The following RAPH1 variants were observed in gnomAD, a reference collection of about 807,000 sequenced individuals.
RAPH1 encodes ras-associated and pleckstrin homology domains-containing protein 1.
In RAPH1, 18 loss-of-function variants were observed where a neutral mutation model predicts 88.1. The observed-to-expected ratio is 0.20, with a 90% CI of 0.14 to 0.30. RAPH1 has a LOEUF of 0.30. Among genes scored for constraint, RAPH1 ranks in the 10% least tolerant of loss-of-function variants. The pLI is 1.00. For synonymous variants in RAPH1, 587 were observed against 559.0 expected (o/e 1.05, Z -0.71); for missense variants, 1,448 against 1,543.2 (o/e 0.94, Z 1.03).
intron 1 of RAPH1, among the ~76,000 whole-genome samples, chr2:203,506,519 CA>C (rs1253506924): frequency 7.2e-6 from 1 of 139,834 alleles, no homozygotes; most frequent in Non-Finnish European, 1.5e-5. Flanking sequence ...GACTCCGTCT[CA>C]AAAAAAAACA....
chr2:203,458,360 C>G (rs1038300453), intron 7 of RAPH1, among the ~76,000 whole-genome samples: 1 of 148,746 alleles, frequency 6.7e-6, no homozygotes, highest in Non-Finnish European at 1.5e-5. Flanking sequence ...GACTCCATCT[C>G]AAAAAAAAAC....
chr2:203,448,991 T>C lies in RAPH1; in HGVS notation c.1414-155A>G, dbSNP rs978669621. On this transcript the variant is annotated intron_variant, in intron 10 of 13. Transcript: ENST00000319170. The surrounding 1 kb of genome is among the most constrained non-coding windows in gnomAD (Gnocchi z 4.1). ...TATATGGCCATAAGGCCAAATAAAG[T>C]AGCCCATAAGAATTTTTACAAAGTA... Among the ~76,000 whole-genome samples, 4 of 152,224 alleles carry C rather than the reference T, an allele frequency of 2.6e-5. No homozygotes were observed. Among genetic ancestry groups the C allele is most frequent in the Non-Finnish European group, 4.4e-5 (3 of 68,036 alleles).
At chr2:203,531,297 C>G (rs4586615) in intron 1 of RAPH1, among the ~76,000 whole-genome samples, 1 of 151,870 alleles carries the variant, frequency 6.6e-6, no homozygotes, top group African/African-American at 2.4e-5. Context: ...GGAGAAATAT[C>G]TAATGTAAAT....
rs369642566 is a variant in RAPH1 at position 203,494,842 on chromosome 2, C to A, written c.120+392G>T. 1.0e-3 allele frequency among the ~76,000 whole-genome samples: 147 copies of A among 144,136 alleles called. 1 individual carries two copies. The highest frequency in any genetic ancestry group is 3.6e-3 in the Middle Eastern group (1 of 274). 94.6% of individuals were successfully genotyped at this position (144,136 alleles called of 152,430 possible). ...AAAAAAAGAAAAAAAAAAAGAAAAA[C>A]AGAAAATATTTACGTGGAAGGAAAT... is the stretch of plus-strand genomic sequence containing the variant. On this transcript the variant is annotated intron_variant, in intron 2 of 13. Transcript: ENST00000319170.
chr2:203,520,243 G>A (rs1689803508), intron 1 of RAPH1, among the ~76,000 whole-genome samples: 1 of 151,748 alleles, frequency 6.6e-6, no homozygotes, highest in East Asian at 1.9e-4. Flanking sequence ...GAGGTGGGAG[G>A]ATCACTGGAG....
At chr2:203,531,051 C>T (rs981791660) in intron 1 of RAPH1, among the ~76,000 whole-genome samples, 2 of 151,976 alleles carry the variant, frequency 1.3e-5, no homozygotes, top group African/African-American at 2.4e-5. Flanking sequence ...GAAGTTGGAC[C>T]CTTACCTAAC....
At chr2:203,517,851 T>C (rs576567128) in intron 1 of RAPH1, among the ~76,000 whole-genome samples, 1 of 152,242 alleles carries the variant, frequency 6.6e-6, no homozygotes, top group South Asian at 2.1e-4. Context: ...ACCAAGTTTG[T>C]GGGATGCAAC....
chr2:203,444,810 A>C (rs1184888844), intron 13 of RAPH1, 58 bp downstream of exon 13: 1 of 1,540,148 alleles, frequency 6.5e-7, no homozygotes, highest in Non-Finnish European at 8.9e-7. Flanking sequence ...GAGAGCAACA[A>C]TTTAAACCCA....
chr2:203,455,705 C>A (rs2098518816), intron 8 of RAPH1, 125 bp from the exon 9 acceptor site: 1 of 835,074 alleles, frequency 1.2e-6, no homozygotes, highest in East Asian at 2.6e-5. Flanking sequence ...AACCAAGCTG[C>A]TAATTTAACC....
At position 203,506,786 on chromosome 2, in the gene RAPH1, A is replaced by C. The variant is rs1454510631; in HGVS notation, c.1-11433T>G. ...TATATATATCTATATATATCTAGAT[A>C]TATATATCTATATATATATCTATAT... On this transcript the variant is annotated intron_variant, in intron 1 of 13. Transcript: ENST00000319170. Among the ~76,000 whole-genome samples, 134 of 123,496 alleles carry C rather than the reference A, an allele frequency of 1.1e-3. 2 individuals carry two copies. The highest frequency in any genetic ancestry group is 2.4e-3 in the Admixed American group (28 of 11,558). The allele number at this position is 123,496 out of a possible 152,430, so 81.0% of individuals were successfully genotyped here.
intron 1 of RAPH1, among the ~76,000 whole-genome samples, chr2:203,509,857 G>T (rs1280657163): frequency 1.3e-5 from 2 of 151,986 alleles, no homozygotes; most frequent in Admixed American, 6.6e-5. Flanking sequence ...AAAGTGTGTG[G>T]CACCTCCCCC....
intron 4 of RAPH1, among the ~76,000 whole-genome samples, chr2:203,484,421 T>A: frequency 6.6e-6 from 1 of 152,188 alleles, no homozygotes; most frequent in East Asian, 1.9e-4. Context: ...TAGCAGCACC[T>A]CTGGCCTCTA....
intron 10 of RAPH1, among the ~76,000 whole-genome samples, chr2:203,452,825 G>A (rs2098515975): frequency 6.6e-6 from 1 of 151,960 alleles, no homozygotes; most frequent in Admixed American, 6.6e-5. Context: ...GCATGTGGCT[G>A]TAGTCCCAGC....
chr2:203,438,412 A>AT lies in RAPH1; in HGVS notation c.*1024dup, dbSNP rs2098500217. On this transcript the variant is annotated 3_prime_UTR_variant, in exon 14 of 14. Coordinates refer to ENST00000319170, the MANE Select transcript of RAPH1 (RefSeq NM_213589.3). ...ATAATGCACCATATTGGGGCACAGG[A>AT]TGTGTATATTTCATATACCAATTGT... 1 of 342,096 alleles carries AT rather than the reference A, an allele frequency of 2.9e-6. No homozygotes were observed. The highest frequency in any genetic ancestry group is 2.2e-5 in the African/African-American group (1 of 46,344). The allele number at this position is 342,096 out of a possible 1,614,324, so 21.2% of individuals were successfully genotyped here.
Position 203,448,615 on chromosome 2 carries a change from T to C in RAPH1, c.1512+123A>G, listed in dbSNP as rs2098512051. Reference sequence around the variant, plus strand: ...ACATTTAAAACTTGAAACTTAGGCCTGAAAAACGTAGGCACTGGCAAATCC... The same window carrying C: ...ACATTTAAAACTTGAAACTTAGGCCCGAAAAACGTAGGCACTGGCAAATCC... On this transcript the variant is annotated intron_variant, in intron 11 of 13. Coordinates refer to ENST00000319170, the MANE Select transcript of RAPH1 (RefSeq NM_213589.3). The surrounding 1 kb of genome is among the most constrained non-coding windows in gnomAD (Gnocchi z 4.1). 6 of 556,688 alleles carry C rather than the reference T, an allele frequency of 1.1e-5. No individual in the cohort carries two copies. The South Asian group carries it at 1.9e-4, about 18-fold the overall frequency. The allele number at this position is 556,688 out of a possible 1,614,324, so 34.5% of individuals were successfully genotyped here.
At position 203,435,394 on chromosome 2, in the gene RAPH1, A is replaced by G. The variant is rs1289162026; in HGVS notation, c.*4043T>C. On this transcript the variant is annotated 3_prime_UTR_variant, in exon 14 of 14. Transcript: ENST00000319170. ...CAAAAAAAAAAAAAAACCTTAAAAG[A>G]TAATAAGTATCTAATTCTTTTATAC... 1.3e-5 allele frequency: 2 copies of G among 151,732 alleles called. No homozygotes were observed. Among genetic ancestry groups the G allele is most frequent in the Non-Finnish European group, 2.9e-5 (2 of 67,956 alleles). 9.4% of individuals were successfully genotyped at this position (151,732 alleles called of 1,614,324 possible).
chr2:203,526,759 G>C (rs1342163079), intron 1 of RAPH1, among the ~76,000 whole-genome samples: 2 of 146,578 alleles, frequency 1.4e-5, no homozygotes, highest in Non-Finnish European at 3.0e-5. Flanking sequence ...AACTTAATAT[G>C]AAAGGCTCAT....
At chr2:203,528,477 G>A (rs1005289985) in intron 1 of RAPH1, among the ~76,000 whole-genome samples, 1 of 152,174 alleles carries the variant, frequency 6.6e-6, no homozygotes, top group Admixed American at 6.5e-5. Context: ...CATAATTGAT[G>A]GATACAAACT....
At chr2:203,450,549 T>A (rs1438026031) in intron 10 of RAPH1, among the ~76,000 whole-genome samples, 10 of 152,200 alleles carry the variant, frequency 6.6e-5, no homozygotes, top group Non-Finnish European at 1.0e-4. Context: ...GGATTTTACC[T>A]CATTCATTCA....
Sources: allele counts gnomAD v4.1 joint callset (sites outside exome capture counted in the v4.1 genomes callset), GRCh38; gene constraint gnomAD v4.1.1; non-coding constraint Gnocchi (gnomAD v3.1); transcripts MANE v1.5; gene names NCBI Gene and HGNC (gene_info 2026-07-23, HGNC 2026-07-21).